The following GPC5 variants were observed in gnomAD, a reference collection of about 807,000 sequenced individuals.
GPC5 encodes the protein glypican-5.
In GPC5, 47 loss-of-function variants were observed where a neutral mutation model predicts 53.9. That is an observed-to-expected ratio of 0.87 (90% CI 0.69 to 1.11). The LOEUF (loss-of-function observed/expected upper bound fraction) is 1.11, where lower values mean the gene tolerates loss of function less well. GPC5 is among the 50% of genes most tolerant of loss of function. GPC5 has a pLI of 0.00. For missense variants in GPC5, 748 were observed against 713.1 expected, an observed-to-expected ratio of 1.05 and a Z score of -0.56; for synonymous variants, 286 against 263.3, an observed-to-expected ratio of 1.09 and a Z score of -0.84.
intron 7 of GPC5, among the ~76,000 whole-genome samples, chr13:92,671,584 A>G (rs1886753938): frequency 6.6e-6 from 1 of 152,184 alleles, no homozygotes; most frequent in African/African-American, 2.4e-5. Context: ...AGGCTCTAGA[A>G]GTTCTTGAGC....
intron 2 of GPC5, among the ~76,000 whole-genome samples, chr13:91,624,265 G>C (rs1332180412): frequency 6.6e-6 from 1 of 152,110 alleles, no homozygotes; most frequent in East Asian, 1.9e-4. Flanking sequence ...CCCAAGAGTG[G>C]TGATATTATC....
chr13:92,741,459 T>A (rs1298831730), intron 7 of GPC5, among the ~76,000 whole-genome samples: 1 of 151,948 alleles, frequency 6.6e-6, no homozygotes, highest in Non-Finnish European at 1.5e-5. Context: ...TTCTCAGCCT[T>A]CATAACTATA....
chr13:92,713,001 A>T (rs551872649), intron 7 of GPC5, among the ~76,000 whole-genome samples: 14 of 152,112 alleles, frequency 9.2e-5, no homozygotes, highest in African/African-American at 2.9e-4. Flanking sequence ...AATTTTTTTT[A>T]AATTTACTCC....
intron 7 of GPC5, among the ~76,000 whole-genome samples, chr13:92,335,949 C>T (rs1418305754): frequency 5.9e-5 from 9 of 152,212 alleles, no homozygotes; most frequent in African/African-American, 1.4e-4. Flanking sequence ...CCCACATTTT[C>T]CTATCTTCTT....
At chr13:92,492,082 C>A (rs565810540) in intron 7 of GPC5, among the ~76,000 whole-genome samples, 1 of 152,076 alleles carries the variant, frequency 6.6e-6, no homozygotes, top group African/African-American at 2.4e-5. Flanking sequence ...ACCTCAAAAC[C>A]TTTCATTTTA....
intron 5 of GPC5, among the ~76,000 whole-genome samples, chr13:91,855,323 G>A (rs1056080679): frequency 6.6e-6 from 1 of 151,546 alleles, no homozygotes; most frequent in Non-Finnish European, 1.5e-5. Context: ...TCTAAGCAAC[G>A]AAATTTTGTT....
chr13:92,645,059 C>T (rs1200526735), intron 7 of GPC5, among the ~76,000 whole-genome samples: 1 of 152,144 alleles, frequency 6.6e-6, no homozygotes, highest in East Asian at 1.9e-4. Flanking sequence ...TTGCACAATT[C>T]AACATGTTTT....
At position 91,957,479 on chromosome 13, in the gene GPC5, C is replaced by G. The variant is rs1337018606; in HGVS notation, c.1401+49422C>G. Among the ~76,000 whole-genome samples the G allele has an allele frequency of 2.0e-5, 3 of 151,990 alleles. No homozygotes were observed. In the South Asian group the frequency reaches 6.2e-4, roughly 32 times the overall value. On this transcript the variant is annotated intron_variant, in intron 6 of 7. Coordinates refer to ENST00000377067, the MANE Select transcript of GPC5 (RefSeq NM_004466.6). ...TCCAGATACAGGAAGCTCGGAGATC[C>G]CCAAATACATACAATTCAAAAAGGT...
intron 2 of GPC5, among the ~76,000 whole-genome samples, chr13:91,666,576 G>A (rs373880697): frequency 3.9e-5 from 6 of 151,960 alleles, no homozygotes; most frequent in East Asian, 1.9e-4. Context: ...TGACATTTTT[G>A]TGGTGTTAAA....
chr13:91,560,975 A>G lies in GPC5; in HGVS notation c.325+112053A>G, dbSNP rs1018965182. Reference sequence around the variant, plus strand: ...AAAACTCTTCCTTCAAGCCTTCCCCAAAGGCACATCTAGATTTTACTAGAG... The same window carrying G: ...AAAACTCTTCCTTCAAGCCTTCCCCGAAGGCACATCTAGATTTTACTAGAG... On this transcript the variant is annotated intron_variant, in intron 2 of 7. Coordinates refer to ENST00000377067, the MANE Select transcript of GPC5 (RefSeq NM_004466.6). Among the ~76,000 whole-genome samples, 6 of 152,054 alleles carry G rather than the reference A, an allele frequency of 3.9e-5. No homozygotes were observed. In the South Asian group the frequency reaches 1.0e-3, roughly 26 times the overall value.
rs145102582 is a variant in GPC5, at chr13:92,543,604, G to A, written c.1562-322678G>A. Among the ~76,000 whole-genome samples the A allele has an allele frequency of 3.8e-4, 58 of 152,130 alleles. 1 individual carries two copies. The highest frequency in any genetic ancestry group is 2.0e-4 in the Admixed American group (3 of 15,248). Reference sequence around the variant, plus strand: ...GGTGCCACTTCAGTTTCAGCATAAAGTCTAGGGTACAAGATTTACTGGGAA... The same window carrying A: ...GGTGCCACTTCAGTTTCAGCATAAAATCTAGGGTACAAGATTTACTGGGAA... On this transcript the variant is annotated intron_variant, in intron 7 of 7. Transcript: ENST00000377067.
chr13:92,109,060 G>GT (rs2041533903), intron 6 of GPC5, among the ~76,000 whole-genome samples: 5 of 121,122 alleles, frequency 4.1e-5, no homozygotes, highest in East Asian at 2.6e-4. Context: ...TCAATATGTT[G>GT]GTTTTTTTTT....
rs555223718 is a variant in GPC5, at chr13:91,651,318, T to C, written c.326-41869T>C. ...ATAAATATTTTGATAGTATTGTAGT[T>C]TTGAGATTCACATTAGTTTATTAAT... On this transcript the variant is annotated intron_variant, in intron 2 of 7. Coordinates refer to ENST00000377067, the MANE Select transcript of GPC5 (RefSeq NM_004466.6). 5.9e-5 allele frequency among the ~76,000 whole-genome samples: 9 copies of C among 152,330 alleles called. No individual in the cohort carries two copies. In the South Asian group the frequency reaches 1.9e-3, roughly 32 times the overall value.
chr13:92,183,108 G>C (rs2042159648), intron 7 of GPC5, among the ~76,000 whole-genome samples: 1 of 152,212 alleles, frequency 6.6e-6, no homozygotes, highest in South Asian at 2.1e-4. Context: ...GGAACTGGTA[G>C]TGTAAGCAGA....
rs182176586 is a variant in GPC5, at chr13:92,374,597, G to A, written c.1561+229608G>A. ...AAATCATCATTCTCAGTAAACTATC[G>A]CAAGAACACAAAACCAAACACCGCA... On this transcript the variant is annotated intron_variant, in intron 7 of 7. Transcript: ENST00000377067. Among the ~76,000 whole-genome samples, 138 of 150,192 alleles carry A rather than the reference G, an allele frequency of 9.2e-4. 1 individual carries two copies. The highest frequency in any genetic ancestry group is 3.1e-3 in the African/African-American group (125 of 40,794).
At chr13:92,019,024 G>A (rs1235868521) in intron 6 of GPC5, among the ~76,000 whole-genome samples, 3 of 151,778 alleles carry the variant, frequency 2.0e-5, no homozygotes, top group South Asian at 2.1e-4. Flanking sequence ...GTGTATGTTC[G>A]ATATTGTTTC....
chr13:91,646,535 A>G (rs2034561292), intron 2 of GPC5, among the ~76,000 whole-genome samples: 1 of 152,036 alleles, frequency 6.6e-6, no homozygotes, highest in Admixed American at 6.6e-5. Context: ...ATATTTTTTA[A>G]ATGACAAAAT....
intron 2 of GPC5, among the ~76,000 whole-genome samples, chr13:91,525,051 T>C (rs966520514): frequency 6.6e-6 from 1 of 152,218 alleles, no homozygotes; most frequent in Admixed American, 6.5e-5. Context: ...CAGAAACATA[T>C]TTATTAATAT....
intron 7 of GPC5, among the ~76,000 whole-genome samples, chr13:92,398,428 C>CAAAAAAAAAAAAAAAAAAAA (rs35873316): frequency 1.3e-3 from 114 of 87,578 alleles, no homozygotes; most frequent in Middle Eastern, 6.0e-3. Context: ...GACTCCGTCT[C>CAAAAAAAAAAAAAAAAAAAA]AAAAAAAAAA....
Sources: allele counts gnomAD v4.1 joint callset (sites outside exome capture counted in the v4.1 genomes callset), GRCh38; gene constraint gnomAD v4.1.1; transcripts MANE v1.5; gene names NCBI Gene and HGNC (gene_info 2026-07-23, HGNC 2026-07-21).